Variants in CDH19 observed in about 807,000 individuals in gnomAD.
CDH19 encodes the protein cadherin-19.
CDH19 carries 67 observed loss-of-function variants against 64.2 expected under a neutral mutation model. That is an observed-to-expected ratio of 1.04 (90% CI 0.86 to 1.28). The LOEUF is 1.28. CDH19 is among the 50% of genes most tolerant of loss of function. The pLI, the probability that CDH19 is intolerant of heterozygous loss-of-function variation, is 0.00. For missense variants in CDH19, 1,030 were observed against 929.0 expected, an observed-to-expected ratio of 1.11 and a Z score of -1.41; for synonymous variants, 346 against 319.3, an observed-to-expected ratio of 1.08 and a Z score of -0.89.
intron 1 of CDH19, 134 bp from the exon 2 acceptor site, chr18:66,572,450 A>C: frequency 3.1e-6 from 1 of 317,938 alleles, no homozygotes; most frequent in Non-Finnish European, 5.8e-6. Flanking sequence ...TCTTCCAATT[A>C]AGCTGGCTAA....
intron 9 of CDH19, among the ~76,000 whole-genome samples, chr18:66,526,177 T>A (rs1451426615): frequency 6.6e-6 from 1 of 152,140 alleles, no homozygotes; most frequent in Non-Finnish European, 1.5e-5. Context: ...CAGACATAAA[T>A]TTTAATTCTG....
In CDH19 at chr18:66,529,945, G is replaced by A. The variant is rs756057395; in HGVS notation, c.1358C>T (p.Ser453Leu). The change falls in exon 9 of 12, where the codon TCG (serine) becomes TTG (leucine). Residue 453 changes from serine to leucine, a missense_variant. By Grantham distance (145) the Ser-to-Leu change is moderately radical. Transcript: ENST00000262150. ...TEKYNIEQIS[S>L]IPLYVQVLNI... ...AAGAACTTGCACATACAGTGGGATCGAAGAGATCTGTTCTATATTGTCTGC... is the reference window on the plus strand; with the variant it reads ...AAGAACTTGCACATACAGTGGGATCAAAGAGATCTGTTCTATATTGTCTGC... 7.1e-5 allele frequency: 110 copies of A among 1,541,998 alleles called. No individual in the cohort carries two copies. Among genetic ancestry groups the A allele is most frequent in the Middle Eastern group, 1.7e-4 (1 of 5,842 alleles).
intron 11 of CDH19, 28 bp from the exon 12 acceptor site, chr18:66,505,330 A>G: frequency 6.7e-7 from 1 of 1,492,392 alleles, no homozygotes; most frequent in South Asian, 1.4e-5. Flanking sequence ...TCAGAATATC[A>G]ATAAACAATA....
intron 7 of CDH19, among the ~76,000 whole-genome samples, chr18:66,540,209 A>C (rs916828324): frequency 6.6e-6 from 1 of 152,062 alleles, no homozygotes; most frequent in African/African-American, 2.4e-5. Flanking sequence ...CTTGTGATCT[A>C]ATCTTTTTAT....
chr18:66,578,213 C>T (rs1252762015), intron 1 of CDH19, among the ~76,000 whole-genome samples: 1 of 151,882 alleles, frequency 6.6e-6, no homozygotes, highest in Non-Finnish European at 1.5e-5. Flanking sequence ...AAACAAGTCA[C>T]AGACTGAGCG....
chr18:66,505,294 A>C lies in CDH19; in HGVS notation c.1837T>G (p.Phe613Val), dbSNP rs1985138796. 2 of 1,553,380 alleles carry C rather than the reference A, an allele frequency of 1.3e-6. No individual in the cohort carries two copies. Among genetic ancestry groups the C allele is most frequent in the Non-Finnish European group, 1.7e-6 (2 of 1,156,362 alleles). ...CGTTGTTTTAAACCCAAAGTCAAAA[A>C]AATAAACCCTGATGAAGAAAGCACA... is the stretch of plus-strand genomic sequence containing the variant. Reference protein sequence around the residue: ...ICIMIIFGFIFLTLGLKQRRK... With the variant: ...ICIMIIFGFIVLTLGLKQRRK... Residue 613 changes from phenylalanine (F) to valine (V), a missense_variant, in exon 12 of 12, where the codon TTT becomes GTT. Physicochemically the swap from Phe to Val is conservative, Grantham distance 50. Coordinates refer to ENST00000262150, the MANE Select transcript of CDH19 (RefSeq NM_021153.4).
chr18:66,562,471 T>C (rs1378778453), intron 3 of CDH19, among the ~76,000 whole-genome samples: 2 of 151,946 alleles, frequency 1.3e-5, no homozygotes, highest in Non-Finnish European at 1.5e-5. Context: ...ATGCAAACCA[T>C]GAGGAGCGGC....
Position 66,505,025 on chromosome 18 carries a change from CT to C in CDH19, c.2105del (p.Lys702SerfsTer28). On this transcript the variant is annotated frameshift_variant, in exon 12 of 12. Transcript: ENST00000262150. LOFTEE classifies it low-confidence loss of function (END_TRUNC). Reference protein sequence around the residue: ...SAIFRKFILEKLEEANTDPCA... With the variant: ...SAIFRKFILEXLEEANTDPCA... ...ACGGATCAGTATTAGCTTCTTCGAG[CT>C]TTTCCAGAATGAATTTCCTGAATAT... 1 of 1,613,576 alleles carries C rather than the reference CT, an allele frequency of 6.2e-7. No individual in the cohort carries two copies. Among genetic ancestry groups the C allele is most frequent in the Non-Finnish European group, 8.5e-7 (1 of 1,179,726 alleles).
At chr18:66,535,896 A>G (rs115261210) in intron 7 of CDH19, among the ~76,000 whole-genome samples, 2,993 of 147,022 alleles carry the variant, frequency 0.02, 90 homozygotes, top group African/African-American at 0.07. Context: ...TATTTATTTT[A>G]TATTATATAT....
chr18:66,568,968 G>A (rs1171639520), intron 2 of CDH19, among the ~76,000 whole-genome samples: 4 of 151,592 alleles, frequency 2.6e-5, no homozygotes, highest in African/African-American at 9.7e-5. Flanking sequence ...GGATAATAAA[G>A]CTTCTTTTGT....
chr18:66,547,670 T>TG (rs1987171144), intron 5 of CDH19, among the ~76,000 whole-genome samples: 2 of 134,314 alleles, frequency 1.5e-5, no homozygotes, highest in South Asian at 2.5e-4. Context: ...GGTTTTTTTT[T>TG]TTTTTTTTTT....
At chr18:66,517,472 T>C (rs1055642063) in intron 9 of CDH19, among the ~76,000 whole-genome samples, 2 of 152,202 alleles carry the variant, frequency 1.3e-5, no homozygotes, top group South Asian at 4.1e-4. Context: ...TCATTTATTA[T>C]ATTAATATTT....
intron 1 of CDH19, among the ~76,000 whole-genome samples, chr18:66,589,265 C>A (rs900397263): frequency 6.7e-6 from 1 of 148,398 alleles, no homozygotes; most frequent in East Asian, 1.9e-4. Flanking sequence ...TATATATATA[C>A]ACACATATAT....
At chr18:66,560,854 G>C (rs928740134) in intron 3 of CDH19, among the ~76,000 whole-genome samples, 8 of 151,916 alleles carry the variant, frequency 5.3e-5, no homozygotes, top group Non-Finnish European at 7.4e-5. Flanking sequence ...ATTAATACTT[G>C]CAAAGTGGGT....
chr18:66,554,255 C>A, intron 4 of CDH19, 150 bp downstream of exon 4: 1 of 676,282 alleles, frequency 1.5e-6, no homozygotes, highest in Non-Finnish European at 2.4e-6. Flanking sequence ...AGCTAAAAGA[C>A]TAAAAGTAAT....
At chr18:66,506,833 G>C (rs1320870957) in intron 11 of CDH19, among the ~76,000 whole-genome samples, 1 of 151,732 alleles carries the variant, frequency 6.6e-6, no homozygotes, top group African/African-American at 2.4e-5. Flanking sequence ...TGGTTATATA[G>C]TATTTATATA....
intron 1 of CDH19, among the ~76,000 whole-genome samples, chr18:66,576,755 T>A (rs1179484781): frequency 6.6e-6 from 1 of 151,588 alleles, no homozygotes. Context: ...ATGAGAAGCA[T>A]CTAGATTAAA....
rs1987305583 is a variant in CDH19, at chr18:66,550,653, T to G, written c.775+441A>C. Among the ~76,000 whole-genome samples, 2 of 152,084 alleles carry G rather than the reference T, an allele frequency of 1.3e-5. 1 individual carries two copies. The highest frequency in any genetic ancestry group is 4.8e-5 in the African/African-American group (2 of 41,440). ...CACTCCTTGCTGCTTCTGGGATGTG[T>G]GGGCTAAATCAAGAGCCATAAAGAG... is the stretch of plus-strand genomic sequence containing the variant. On this transcript the variant is annotated intron_variant, in intron 5 of 11. Coordinates refer to ENST00000262150, the MANE Select transcript of CDH19 (RefSeq NM_021153.4).
chr18:66,562,440 G>A (rs1288097053), intron 3 of CDH19, among the ~76,000 whole-genome samples: 5 of 152,012 alleles, frequency 3.3e-5, no homozygotes, highest in Non-Finnish European at 7.4e-5. Flanking sequence ...TGATCTGACA[G>A]GAGGCGGAGC....
Sources: allele counts gnomAD v4.1 joint callset (sites outside exome capture counted in the v4.1 genomes callset), GRCh38; gene constraint gnomAD v4.1.1; transcripts MANE v1.5; gene names NCBI Gene and HGNC (gene_info 2026-07-23, HGNC 2026-07-21).